Variants in PRKN observed in about 807,000 individuals in gnomAD.
PRKN encodes the protein parkin RBR E3 ubiquitin protein ligase, also known as E3 ubiquitin-protein ligase parkin.
Under a neutral mutation model 59.5 loss-of-function variants are expected in PRKN, and 56 were observed. The ratio of observed to expected loss-of-function variants is 0.94; its 90% CI spans 0.76 to 1.18. PRKN has a LOEUF of 1.18. Ranked by LOEUF, PRKN falls within the 50% of genes most tolerant of loss-of-function variation. The pLI, the probability that PRKN is intolerant of heterozygous loss-of-function variation, is 0.00. For missense variants in PRKN, 657 were observed against 596.4 expected (o/e 1.10, Z -1.06); for synonymous variants, 250 against 222.1 (o/e 1.13, Z -1.12).
chr6:162,097,269 C>T (rs1006263280), intron 4 of PRKN, among the ~76,000 whole-genome samples: 1 of 152,066 alleles, frequency 6.6e-6, no homozygotes, highest in Non-Finnish European at 1.5e-5. Flanking sequence ...CTAATGTGTA[C>T]CATTTAGATA....
At position 161,598,184 on chromosome 6, in the gene PRKN, C is replaced by T. The variant is rs538314182; in HGVS notation, c.872-28768G>A. Among the ~76,000 whole-genome samples the T allele has an allele frequency of 4.6e-5, 7 of 152,262 alleles. No homozygotes were observed. The South Asian group carries it at 1.5e-3, about 32-fold the overall frequency. On this transcript the variant is annotated intron_variant, in intron 7 of 11. Transcript: ENST00000366898. ...TAGATAAATTAGTTGTGTGGTCCTC[C>T]AACTATGCTCGATGCCTAGTGCTCT...
intron 9 of PRKN, among the ~76,000 whole-genome samples, chr6:161,432,171 A>G (rs9347509): frequency 0.26 from 40,117 of 152,078 alleles, 6,813 homozygotes; most frequent in East Asian, 0.75. Flanking sequence ...ACAAGAACAG[A>G]TAGATTTATT....
intron 5 of PRKN, among the ~76,000 whole-genome samples, chr6:162,007,916 G>A (rs892748888): frequency 1.3e-5 from 2 of 152,104 alleles, no homozygotes; most frequent in African/African-American, 4.8e-5. Context: ...ACAGCAGAAT[G>A]AAAAGCTTTC....
chr6:162,269,125 G>A (rs575571201), intron 2 of PRKN, among the ~76,000 whole-genome samples: 1 of 152,254 alleles, frequency 6.6e-6, no homozygotes, highest in East Asian at 1.9e-4. Context: ...TCCGGATGCT[G>A]GTGCTGGCTC....
intron 2 of PRKN, among the ~76,000 whole-genome samples, chr6:162,378,685 A>G (rs764920076): frequency 6.6e-6 from 1 of 152,246 alleles, no homozygotes; most frequent in Non-Finnish European, 1.5e-5. Context: ...CTGTTAAATG[A>G]GCTTAAACTT....
rs1300606784 is a variant in PRKN at position 161,785,907 on chromosome 6, T to G, written c.736A>C (p.Ser246Arg). 1.1e-5 allele frequency: 17 copies of G among 1,614,104 alleles called. No individual in the cohort carries two copies. Among genetic ancestry groups the G allele is most frequent in the Non-Finnish European group, 1.3e-5 (15 of 1,180,000 alleles). Residue 246 changes from serine (S) to arginine (R), a missense_variant and splice_region_variant, in exon 7 of 12, where the codon AGC becomes CGC. Physicochemically the swap from Ser to Arg is moderately radical, Grantham distance 110 (BLOSUM62 -1). Coordinates refer to ENST00000366898, the MANE Select transcript of PRKN (RefSeq NM_004562.3). ...TTGCACTGGAAAACCAGGACGGGGC[T>G]CCTGCAGAGAGAAAGGAAGATGTTT... is the stretch of plus-strand genomic sequence containing the variant. ...ITCITCTDVR[S>R]PVLVFQCNSR...
rs763053180 is a variant in PRKN, at chr6:162,034,184, T to TAGAGAGAG, written c.618+19906_618+19907insCTCTCTCT. On this transcript the variant is annotated intron_variant, in intron 5 of 11. Coordinates refer to ENST00000366898, the MANE Select transcript of PRKN (RefSeq NM_004562.3). Reference sequence around the variant, plus strand: ...GTACACATACATATATATATATATATATAGAGAGAGAGAGAGAGAGAGAGA... The same window carrying TAGAGAGAG: ...GTACACATACATATATATATATATATAGAGAGAGATAGAGAGAGAGAGAGAGAGAGAGA... Among the ~76,000 whole-genome samples, 534 of 122,746 alleles carry TAGAGAGAG rather than the reference T, an allele frequency of 4.4e-3. 2 individuals carry two copies. The highest frequency in any genetic ancestry group is 0.012 in the African/African-American group (353 of 29,748). The allele number at this position is 122,746 out of a possible 152,430, so 80.5% of individuals were successfully genotyped here.
Position 161,722,204 on chromosome 6 carries a change from G to A in PRKN, c.871+63568C>T, listed in dbSNP as rs36101522. Among the ~76,000 whole-genome samples the A allele has an allele frequency of 9.7e-3, 1,479 of 151,806 alleles. 11 individuals are homozygous for A. Among genetic ancestry groups the A allele is most frequent in the South Asian group, 0.023 (111 of 4,766 alleles). ...TATTTTCTGAGTATATAGAAAATTC[G>A]GGGGGAAAAGCAGGAAAGCACAAAT... On this transcript the variant is annotated intron_variant, in intron 7 of 11. Coordinates refer to ENST00000366898, the MANE Select transcript of PRKN (RefSeq NM_004562.3).
chr6:162,318,742 T>G (rs1782857885), intron 2 of PRKN, among the ~76,000 whole-genome samples: 1 of 151,974 alleles, frequency 6.6e-6, no homozygotes, highest in Non-Finnish European at 1.5e-5. Context: ...TTATGAAGAT[T>G]TGAAAGTTAC....
chr6:161,708,281 T>C (rs1250994379), intron 7 of PRKN, among the ~76,000 whole-genome samples: 1 of 152,148 alleles, frequency 6.6e-6, no homozygotes, highest in Admixed American at 6.5e-5. Context: ...TTAGGGAACA[T>C]TTATTTTATA....
chr6:162,034,935 C>T (rs12528942), intron 5 of PRKN, among the ~76,000 whole-genome samples: 241 of 152,236 alleles, frequency 1.6e-3, no homozygotes, highest in Admixed American at 3.5e-3. Flanking sequence ...TTTTGCATTG[C>T]TATAAAGGCA....
chr6:161,703,927 C>T (rs1786374674), intron 7 of PRKN, among the ~76,000 whole-genome samples: 1 of 146,352 alleles, frequency 6.8e-6, no homozygotes, highest in Non-Finnish European at 1.5e-5. Context: ...ACAATCTCAG[C>T]TCACTGCAAC....
At chr6:161,962,840 A>G (rs1780434338) in intron 6 of PRKN, among the ~76,000 whole-genome samples, 1 of 150,242 alleles carries the variant, frequency 6.7e-6, no homozygotes. Flanking sequence ...CGGCCGCTCC[A>G]TCTTTCTTAA....
chr6:161,895,372 G>A (rs1029788863), intron 6 of PRKN, among the ~76,000 whole-genome samples: 1 of 152,184 alleles, frequency 6.6e-6, no homozygotes, highest in East Asian at 1.9e-4. Flanking sequence ...GCTAACCGTG[G>A]CTGGACTTGC....
intron 4 of PRKN, among the ~76,000 whole-genome samples, chr6:162,162,588 A>T (rs1249943403): frequency 6.6e-6 from 1 of 152,258 alleles, no homozygotes; most frequent in Non-Finnish European, 1.5e-5. Context: ...TTCACTAATT[A>T]AATGATAAAC....
intron 7 of PRKN, among the ~76,000 whole-genome samples, chr6:161,662,140 G>A (rs1462131997): frequency 2.0e-5 from 3 of 152,170 alleles, no homozygotes; most frequent in African/African-American, 7.2e-5. Context: ...TAACGTGAAT[G>A]TTGGCTCAAA....
chr6:162,319,641 A>C (rs1027491940), intron 2 of PRKN, among the ~76,000 whole-genome samples: 1 of 152,074 alleles, frequency 6.6e-6, no homozygotes, highest in African/African-American at 2.4e-5. Flanking sequence ...AGGAAAATAC[A>C]TTATTTCAAA....
intron 2 of PRKN, among the ~76,000 whole-genome samples, chr6:162,279,760 C>A (rs949929715): frequency 5.3e-5 from 8 of 152,126 alleles, no homozygotes; most frequent in African/African-American, 9.7e-5. Flanking sequence ...CTGTTTAATA[C>A]TGACAGTGGG....
intron 9 of PRKN, among the ~76,000 whole-genome samples, chr6:161,501,916 C>A (rs949654559): frequency 9.2e-5 from 14 of 152,216 alleles, no homozygotes; most frequent in African/African-American, 3.4e-4. Context: ...AAGATATAAC[C>A]CTACGTTTCT....
Sources: allele counts gnomAD v4.1 joint callset (sites outside exome capture counted in the v4.1 genomes callset), GRCh38; gene constraint gnomAD v4.1.1; transcripts MANE v1.5; gene names NCBI Gene and HGNC (gene_info 2026-07-23, HGNC 2026-07-21).